RORA: variants seen among roughly 807,000 people sequenced by gnomAD.
The protein encoded by RORA is nuclear receptor ROR-alpha.
RORA carries 7 observed loss-of-function variants against 69.5 expected under a neutral mutation model. The ratio of observed to expected loss-of-function variants is 0.10; its 90% CI spans 0.06 to 0.19. RORA has a LOEUF of 0.19. RORA is among the 10% of genes least tolerant of loss of function. RORA has a pLI of 1.00. For missense variants in RORA, 457 were observed against 663.0 expected, an observed-to-expected ratio of 0.69 and a Z score of 3.41; for synonymous variants, 261 against 240.8, an observed-to-expected ratio of 1.08 and a Z score of -0.78.
intron 1 of RORA, among the ~76,000 whole-genome samples, chr15:60,952,696 T>C (rs1893145965): frequency 6.6e-6 from 1 of 151,660 alleles, no homozygotes; most frequent in African/African-American, 2.4e-5. Context: ...TCATAATTGC[T>C]ACAAAGAGGA....
At chr15:61,015,784 A>G (rs1464424339) in intron 1 of RORA, among the ~76,000 whole-genome samples, 2 of 152,240 alleles carry the variant, frequency 1.3e-5, no homozygotes, top group African/African-American at 4.8e-5. Flanking sequence ...TCCAAATGAT[A>G]CAAAATTATA....
At chr15:60,969,848 T>C (rs1018514040) in intron 1 of RORA, among the ~76,000 whole-genome samples, 1 of 152,182 alleles carries the variant, frequency 6.6e-6, no homozygotes, top group African/African-American at 2.4e-5. Flanking sequence ...TCCAAATTTA[T>C]ATTTGGAAGC....
chr15:61,051,466 T>C (rs549561119), intron 1 of RORA, among the ~76,000 whole-genome samples: 2 of 152,262 alleles, frequency 1.3e-5, no homozygotes, highest in Admixed American at 1.3e-4. Flanking sequence ...GCGGCATGCA[T>C]AGCTTCTCTT....
At chr15:60,587,239 A>G (rs1416134039) in intron 2 of RORA, among the ~76,000 whole-genome samples, 1 of 152,040 alleles carries the variant, frequency 6.6e-6, no homozygotes, top group Non-Finnish European at 1.5e-5. Context: ...AATGAAAATC[A>G]TGGTTGAAGA....
chr15:60,586,255 T>C (rs1469619150), intron 2 of RORA, among the ~76,000 whole-genome samples: 1 of 152,226 alleles, frequency 6.6e-6, no homozygotes, highest in African/African-American at 2.4e-5. Context: ...TGGCTGCCTC[T>C]TTACTATGTG....
chr15:60,721,042 A>G (rs1017340845), intron 1 of RORA, among the ~76,000 whole-genome samples: 11 of 152,032 alleles, frequency 7.2e-5, no homozygotes, highest in Admixed American at 6.5e-4. Flanking sequence ...CCATCAATCA[A>G]ACAAACAGAG....
chr15:60,888,549 A>G (rs943377559), intron 1 of RORA, among the ~76,000 whole-genome samples: 1 of 152,166 alleles, frequency 6.6e-6, no homozygotes, highest in Non-Finnish European at 1.5e-5. Context: ...AAAGCAGCTG[A>G]TGATTATGTT....
intron 2 of RORA, among the ~76,000 whole-genome samples, chr15:60,549,161 G>C (rs185818403): frequency 6.6e-6 from 1 of 152,298 alleles, no homozygotes; most frequent in East Asian, 1.9e-4. Flanking sequence ...CGAGAAACAA[G>C]GAATTAAGCA....
chr15:60,602,133 C>G (rs566042833), intron 2 of RORA, among the ~76,000 whole-genome samples: 6 of 152,242 alleles, frequency 3.9e-5, no homozygotes, highest in Non-Finnish European at 2.9e-5. Context: ...ATTTGATTTA[C>G]AACATCTTTG....
Position 60,534,292 on chromosome 15 carries a change from G to A in RORA, c.197-2441C>T, listed in dbSNP as rs984423719. On this transcript the variant is annotated intron_variant, in intron 2 of 10. Transcript: ENST00000335670. The surrounding 1 kb of genome is among the most constrained non-coding windows in gnomAD (Gnocchi z 5.0). ...TGTCCTGGCAGGGGTGAGGGTAGGG[G>A]TGCGGGTGGGGAGCAGTTGTAGTAC... Among the ~76,000 whole-genome samples the A allele has an allele frequency of 4.6e-5, 7 of 152,180 alleles. No homozygotes were observed. The highest frequency in any genetic ancestry group is 3.9e-4 in the East Asian group (2 of 5,190).
intron 1 of RORA, among the ~76,000 whole-genome samples, chr15:60,813,095 C>T (rs1333730546): frequency 6.6e-6 from 1 of 152,208 alleles, no homozygotes; most frequent in East Asian, 1.9e-4. Flanking sequence ...CCATCTGCAA[C>T]ATCCTGCCTC....
In RORA at chr15:60,623,991, G is replaced by T. The variant is rs57634624; in HGVS notation, c.196+54666C>A. On this transcript the variant is annotated intron_variant, in intron 2 of 10. Transcript: ENST00000335670. ...TCTTGCTCGAAGGTTGGAATTCTGT[G>T]TATGGTATGTGGAGGACATGGAGCA... 2.6e-3 allele frequency among the ~76,000 whole-genome samples: 370 copies of T among 142,370 alleles called. 3 individuals carry two copies. The highest frequency in any genetic ancestry group is 8.7e-3 in the African/African-American group (349 of 40,022). 93.4% of individuals were successfully genotyped at this position (142,370 alleles called of 152,430 possible).
chr15:60,593,184 G>A (rs2068590587), intron 2 of RORA: 1 of 280,262 alleles, frequency 3.6e-6, no homozygotes. Flanking sequence ...TTGGATATTG[G>A]CAGTTATACC....
At chr15:60,498,586 A>G (rs1156895544) in intron 10 of RORA, among the ~76,000 whole-genome samples, 1 of 152,174 alleles carries the variant, frequency 6.6e-6, no homozygotes, top group African/African-American at 2.4e-5. Flanking sequence ...GCACCTCACA[A>G]AGGCAAACTG....
chr15:60,820,163 G>A (rs138727956), intron 1 of RORA, among the ~76,000 whole-genome samples: 1 of 152,380 alleles, frequency 6.6e-6, no homozygotes, highest in East Asian at 1.9e-4. Context: ...AAGTCAGGAC[G>A]CTGCACTCCA....
chr15:60,838,385 G>A (rs1190165306), intron 1 of RORA, among the ~76,000 whole-genome samples: 3 of 152,204 alleles, frequency 2.0e-5, no homozygotes, highest in Non-Finnish European at 4.4e-5. Context: ...CAGATGTCTG[G>A]CATGGGAAAG....
At chr15:60,878,125 T>C (rs549009312) in intron 1 of RORA, among the ~76,000 whole-genome samples, 1 of 139,868 alleles carries the variant, frequency 7.1e-6, no homozygotes, top group Non-Finnish European at 1.5e-5. Flanking sequence ...AGGAGATCGA[T>C]GCCATCCTGG....
chr15:60,677,462 A>G (rs541453510), intron 2 of RORA, among the ~76,000 whole-genome samples: 2 of 152,128 alleles, frequency 1.3e-5, no homozygotes, highest in African/African-American at 4.8e-5. Flanking sequence ...TGACCTTTTC[A>G]TTGTTCCTCA....
At chr15:61,165,213 C>A (rs2079531011) in intron 1 of RORA, among the ~76,000 whole-genome samples, 1 of 152,228 alleles carries the variant, frequency 6.6e-6, no homozygotes, top group South Asian at 2.1e-4. Context: ...CCACACCAGG[C>A]ATCTGGGGGC....
Sources: gnomAD v4.1 joint callset for allele counts (sites outside exome capture counted in the v4.1 genomes callset) on GRCh38, gnomAD v4.1.1 for gene constraint, Gnocchi (gnomAD v3.1) non-coding constraint, MANE v1.5 for transcripts, NCBI Gene and HGNC (gene_info 2026-07-23, HGNC 2026-07-21) for gene names.